The following CAPN8 variants were observed in gnomAD, a reference collection of about 807,000 sequenced individuals.
The protein encoded by CAPN8 is calpain-8.
CAPN8 carries 87 observed loss-of-function variants against 80.9 expected under a neutral mutation model. That is an observed-to-expected ratio of 1.07 (90% confidence interval 0.90 to 1.28). CAPN8 has a LOEUF of 1.28. Ranked by LOEUF, CAPN8 falls within the 50% of genes most tolerant of loss-of-function variation. The pLI is 0.00. For synonymous variants in CAPN8, 299 were observed against 273.8 expected (o/e 1.09, Z -0.91); for missense variants, 757 against 702.0 (o/e 1.08, Z -0.89).
At chr1:223,623,468 C>T (rs34537618) in intron 6 of CAPN8, among the ~76,000 whole-genome samples, 80,508 of 151,936 alleles carry the variant, frequency 0.53, 22,007 homozygotes, top group African/African-American at 0.64. Flanking sequence ...TCAGGCAGTC[C>T]GTCTCCAAAG....
rs1416251169 is a variant in CAPN8 at position 223,628,795 on chromosome 1, A to C, written c.308-15T>G. ...CCAGCAGTCACCTGCACAGTGTCAC[A>C]GGGGACACAGATTGGTCAGGCCCAG... On this transcript the variant is annotated splice_polypyrimidine_tract_variant and intron_variant, in intron 2 of 20. Coordinates refer to ENST00000366872, the MANE Select transcript of CAPN8 (RefSeq NM_001143962.2). 10 of 1,546,424 alleles carry C rather than the reference A, an allele frequency of 6.5e-6. No individual in the cohort carries two copies. The highest frequency in any genetic ancestry group is 8.8e-6 in the Non-Finnish European group (10 of 1,142,048).
chr1:223,616,606 G>A (rs1657197446), intron 9 of CAPN8, among the ~76,000 whole-genome samples: 1 of 152,210 alleles, frequency 6.6e-6, no homozygotes, highest in Admixed American at 6.5e-5. Flanking sequence ...AGTCCCTGAA[G>A]AGACTAGCTA....
intron 2 of CAPN8, chr1:223,642,893 C>T (rs1658081195): frequency 4.4e-6 from 2 of 449,762 alleles, no homozygotes; most frequent in Non-Finnish European, 8.9e-6. Context: ...CTTTCTGCCT[C>T]ACCTCCAGCT....
At chr1:223,544,550 G>T (rs539984817) in intron 18 of CAPN8, among the ~76,000 whole-genome samples, 1 of 152,266 alleles carries the variant, frequency 6.6e-6, no homozygotes, top group African/African-American at 2.4e-5. Context: ...CCAGTAACAG[G>T]CAGAGATCTT....
intron 1 of CAPN8, among the ~76,000 whole-genome samples, chr1:223,657,132 A>G (rs1237235550): frequency 1.3e-5 from 2 of 152,036 alleles, no homozygotes; most frequent in Non-Finnish European, 2.9e-5. Context: ...CTAGTGATGG[A>G]CCTTTAGTTT....
intron 9 of CAPN8, among the ~76,000 whole-genome samples, chr1:223,618,627 G>GT (rs1259279993): frequency 1.3e-5 from 2 of 152,248 alleles, no homozygotes; most frequent in East Asian, 3.8e-4. Context: ...GGGGAGGGGA[G>GT]TGGGGAGGAA....
intron 1 of CAPN8, among the ~76,000 whole-genome samples, chr1:223,663,295 G>A (rs936019856): frequency 1.1e-4 from 17 of 152,140 alleles, no homozygotes; most frequent in African/African-American, 3.9e-4. Context: ...CTAAGCAAAG[G>A]TTAACTGATA....
chr1:223,627,182 C>T lies in CAPN8; in HGVS notation c.561-25G>A, dbSNP rs201749092. 6,296 of 1,551,418 alleles carry T rather than the reference C, an allele frequency of 4.1e-3. 19 individuals carry two copies. Among genetic ancestry groups the T allele is most frequent in the Non-Finnish European group, 4.9e-3 (5,670 of 1,146,500 alleles). On this transcript the variant is annotated intron_variant, in intron 4 of 20. Coordinates refer to ENST00000366872, the MANE Select transcript of CAPN8 (RefSeq NM_001143962.2). Reference sequence around the variant, plus strand: ...CCTATTGGAAAAGAAAGAACACATGCTCCATTAGCACCCTCAGCAAGGAGA... The same window carrying T: ...CCTATTGGAAAAGAAAGAACACATGTTCCATTAGCACCCTCAGCAAGGAGA...
intron 2 of CAPN8, among the ~76,000 whole-genome samples, chr1:223,646,869 C>T (rs954432952): frequency 2.0e-5 from 3 of 152,136 alleles, no homozygotes; most frequent in African/African-American, 2.4e-5. Context: ...AAATAATTAT[C>T]GCCTAGAACG....
At chr1:223,653,783 A>T (rs1324044408) in intron 2 of CAPN8, among the ~76,000 whole-genome samples, 1 of 152,210 alleles carries the variant, frequency 6.6e-6, no homozygotes, top group Admixed American at 6.5e-5. Context: ...ACAAAACTAA[A>T]TGAAATTATT....
chr1:223,548,076 G>C (rs968774256), intron 16 of CAPN8, among the ~76,000 whole-genome samples: 10 of 152,068 alleles, frequency 6.6e-5, no homozygotes, highest in Admixed American at 3.3e-4. Flanking sequence ...TGTCATCCAG[G>C]ACCACTCTGC....
intron 6 of CAPN8, among the ~76,000 whole-genome samples, chr1:223,623,810 A>G (rs1657475705): frequency 6.6e-6 from 1 of 152,178 alleles, no homozygotes; most frequent in Admixed American, 6.5e-5. Context: ...CCTAGCCAAC[A>G]TGGTGAAACC....
At chr1:223,614,412 A>AC (rs1475337706) in intron 10 of CAPN8, among the ~76,000 whole-genome samples, 1 of 152,032 alleles carries the variant, frequency 6.6e-6, no homozygotes, top group Non-Finnish European at 1.5e-5. Context: ...AAAAAAAAAA[A>AC]AGGTAGGCCT....
intron 2 of CAPN8, among the ~76,000 whole-genome samples, chr1:223,637,991 G>A (rs181263541): frequency 2.0e-5 from 3 of 152,266 alleles, no homozygotes; most frequent in Admixed American, 1.3e-4. Context: ...CAAGCGAAAT[G>A]TTTAGGGATA....
Position 223,543,178 on chromosome 1 carries a change from G to C in CAPN8, c.2030-12C>G, listed in dbSNP as rs764181362. 2 of 1,551,534 alleles carry C rather than the reference G, an allele frequency of 1.3e-6. No individual in the cohort carries two copies. The highest frequency in any genetic ancestry group is 2.4e-5 in the South Asian group (2 of 84,040). On this transcript the variant is annotated splice_polypyrimidine_tract_variant and intron_variant, in intron 19 of 20. Transcript: ENST00000366872. Reference sequence around the variant, plus strand: ...AAGGCTGAATAGTTCTAAAACACCAGAGAAGGAAATGAAATTAGATAAGGC... The same window carrying C: ...AAGGCTGAATAGTTCTAAAACACCACAGAAGGAAATGAAATTAGATAAGGC...
chr1:223,610,961 T>A (rs570514897), intron 11 of CAPN8, among the ~76,000 whole-genome samples: 104 of 152,284 alleles, frequency 6.8e-4, no homozygotes, highest in African/African-American at 2.5e-3. Context: ...AAATCTGTGC[T>A]TCAACACGCC....
chr1:223,547,270 A>G (rs1183068093), intron 16 of CAPN8, among the ~76,000 whole-genome samples: 1 of 152,130 alleles, frequency 6.6e-6, no homozygotes, highest in Non-Finnish European at 1.5e-5. Flanking sequence ...GTATTTTTAA[A>G]CTGTATTTTT....
Position 223,619,322 on chromosome 1 carries a change from G to T in CAPN8, c.1106C>A (p.Ser369Tyr). 1 of 1,551,726 alleles carries T rather than the reference G, an allele frequency of 6.4e-7. No homozygotes were observed. Residue 369 changes from serine (S) to tyrosine (Y), a missense_variant, in exon 9 of 21, where the codon TCC (serine) becomes TAC (tyrosine). Ser to Tyr is a moderately radical substitution (Grantham distance 144). Coordinates refer to ENST00000366872, the MANE Select transcript of CAPN8 (RefSeq NM_001143962.2). Reference protein sequence around the residue: ...VLFNGHWTRGSTAGGCQNYPA... With the variant: ...VLFNGHWTRGYTAGGCQNYPA... ...GTAGTTCTGGCAGCCCCCAGCTGTGGAGCCCCGGGTCCAGTGGCCGTTGAA... is the reference window on the plus strand; with the variant it reads ...GTAGTTCTGGCAGCCCCCAGCTGTGTAGCCCCGGGTCCAGTGGCCGTTGAA...
intron 2 of CAPN8, among the ~76,000 whole-genome samples, chr1:223,647,087 C>T (rs559410974): frequency 6.6e-6 from 1 of 152,212 alleles, no homozygotes; most frequent in South Asian, 2.1e-4. Flanking sequence ...ACTTTTCTTA[C>T]AAAGTGAGGA....
Sources: allele counts gnomAD v4.1 joint callset (sites outside exome capture counted in the v4.1 genomes callset), GRCh38; gene constraint gnomAD v4.1.1; transcripts MANE v1.5; gene names NCBI Gene and HGNC (gene_info 2026-07-23, HGNC 2026-07-21).